DLGAP1: variants seen among roughly 807,000 people sequenced by gnomAD.
The protein encoded by DLGAP1 is disks large-associated protein 1.
Under a neutral mutation model 90.8 loss-of-function variants are expected in DLGAP1, and 11 were observed. That is an observed-to-expected ratio of 0.12 (90% CI 0.08 to 0.20). The LOEUF (loss-of-function observed/expected upper bound fraction) is 0.20, where lower values mean the gene tolerates loss of function less well. DLGAP1 is among the 10% of genes least tolerant of loss of function. DLGAP1 has a pLI of 1.00. For missense variants in DLGAP1, 1,050 were observed against 1,333.8 expected (o/e 0.79, Z 3.31); for synonymous variants, 558 against 540.7 (o/e 1.03, Z -0.44).
chr18:4,168,765 T>C (rs142344110), intron 1 of DLGAP1, among the ~76,000 whole-genome samples: 187 of 152,300 alleles, frequency 1.2e-3, no homozygotes, highest in African/African-American at 4.4e-3. Flanking sequence ...TTATTTATTT[T>C]AAAGATGGGG....
intron 1 of DLGAP1, among the ~76,000 whole-genome samples, chr18:4,312,851 T>C (rs1473723996): frequency 1.3e-5 from 2 of 152,218 alleles, no homozygotes; most frequent in Non-Finnish European, 2.9e-5. Context: ...AATATAATCA[T>C]AGCCTTAGAA....
intron 1 of DLGAP1, among the ~76,000 whole-genome samples, chr18:4,370,754 T>C (rs771388040): frequency 1.1e-5 from 1 of 93,302 alleles, no homozygotes; most frequent in Non-Finnish European, 2.2e-5. Flanking sequence ...TGTATGTGTA[T>C]GCATATGTGT....
Position 3,515,624 on chromosome 18 carries a change from C to T in DLGAP1, c.2480-6963G>A, listed in dbSNP as rs190333420. Reference sequence around the variant, plus strand: ...CAAAACCCCATCTCTACTAAAAATACGAAAAATTAGTCGGCCTGGTGGCAC... The same window carrying T: ...CAAAACCCCATCTCTACTAAAAATATGAAAAATTAGTCGGCCTGGTGGCAC... On this transcript the variant is annotated intron_variant, in intron 10 of 12. Transcript: ENST00000315677. Among the ~76,000 whole-genome samples the T allele has an allele frequency of 4.0e-3, 603 of 151,486 alleles. 3 individuals carry two copies. The highest frequency in any genetic ancestry group is 0.012 in the African/African-American group (489 of 41,316).
chr18:4,354,870 T>A (rs1465642382), intron 1 of DLGAP1, among the ~76,000 whole-genome samples: 1 of 112,988 alleles, frequency 8.9e-6, no homozygotes, highest in Non-Finnish European at 1.7e-5. Flanking sequence ...CCTGGCTTTT[T>A]CTGCAATTAC....
intron 2 of DLGAP1, among the ~76,000 whole-genome samples, chr18:4,097,666 T>C (rs997430888): frequency 1.3e-5 from 2 of 152,226 alleles, no homozygotes; most frequent in African/African-American, 4.8e-5. Context: ...AGTTAAGAAC[T>C]CTAGCACACA....
At chr18:3,970,600 A>C (rs2073425581) in intron 3 of DLGAP1, among the ~76,000 whole-genome samples, 2 of 151,746 alleles carry the variant, frequency 1.3e-5, no homozygotes, top group African/African-American at 4.9e-5. Context: ...AAATCTAAAA[A>C]ATAAAGAGAA....
chr18:4,006,485 A>G (rs1335480122), intron 2 of DLGAP1, among the ~76,000 whole-genome samples: 1 of 151,498 alleles, frequency 6.6e-6, no homozygotes, highest in Non-Finnish European at 1.5e-5. Context: ...TTGTTTCTTG[A>G]TAAGAACAGA....
intron 4 of DLGAP1, among the ~76,000 whole-genome samples, chr18:3,829,943 C>T (rs1180230152): frequency 6.6e-6 from 1 of 152,114 alleles, no homozygotes; most frequent in Non-Finnish European, 1.5e-5. Context: ...GATGGGCAGA[C>T]AGGGCCGCTG....
At chr18:4,327,789 T>G (rs533449593) in intron 1 of DLGAP1, among the ~76,000 whole-genome samples, 1 of 152,136 alleles carries the variant, frequency 6.6e-6, no homozygotes, top group African/African-American at 2.4e-5. Context: ...TTTCTGTCAC[T>G]ACAGTTTTTC....
intron 7 of DLGAP1, among the ~76,000 whole-genome samples, chr18:3,647,457 T>A (rs1378313696): frequency 2.0e-5 from 3 of 150,926 alleles, no homozygotes; most frequent in Non-Finnish European, 2.9e-5. Flanking sequence ...ATTATCTGAT[T>A]TTATTTAAGC....
intron 3 of DLGAP1, among the ~76,000 whole-genome samples, chr18:3,998,541 G>A (rs1005966828): frequency 3.3e-5 from 5 of 152,102 alleles, no homozygotes; most frequent in African/African-American, 1.2e-4. Flanking sequence ...AAAATGGTAT[G>A]TAGAGAACAT....
chr18:3,830,306 C>T (rs1434851410), intron 4 of DLGAP1, among the ~76,000 whole-genome samples: 2 of 152,212 alleles, frequency 1.3e-5, no homozygotes, highest in Non-Finnish European at 2.9e-5. Flanking sequence ...TGGCTCACAC[C>T]TGTAATCCCA....
At chr18:3,631,836 G>A (rs115832823) in intron 7 of DLGAP1, among the ~76,000 whole-genome samples, 1,556 of 152,274 alleles carry the variant, frequency 0.01, 34 homozygotes, top group African/African-American at 0.036. Flanking sequence ...TCTGTGGAGT[G>A]CAAATGGCGA....
At chr18:3,910,684 T>G (rs553272417) in intron 3 of DLGAP1, among the ~76,000 whole-genome samples, 3 of 152,300 alleles carry the variant, frequency 2.0e-5, no homozygotes, top group South Asian at 4.1e-4. Context: ...TGCCTGCCTT[T>G]GCGGTGTCCG....
At chr18:4,251,667 A>G (rs766556234) in intron 1 of DLGAP1, among the ~76,000 whole-genome samples, 55 of 152,248 alleles carry the variant, frequency 3.6e-4, no homozygotes, top group Non-Finnish European at 7.3e-4. Context: ...TGTATGTAAC[A>G]GCCACTATTA....
chr18:4,186,137 T>C (rs931915724), intron 1 of DLGAP1, among the ~76,000 whole-genome samples: 3 of 152,196 alleles, frequency 2.0e-5, no homozygotes, highest in Non-Finnish European at 4.4e-5. Flanking sequence ...GTGTTTTTTC[T>C]TGTAAATTTG....
intron 1 of DLGAP1, among the ~76,000 whole-genome samples, chr18:4,333,662 T>C (rs60795178): frequency 0.35 from 51,462 of 147,486 alleles, 10,102 homozygotes; most frequent in East Asian, 0.62. Context: ...CTCTGTCACC[T>C]AGGCTGGAGT....
intron 1 of DLGAP1, among the ~76,000 whole-genome samples, chr18:4,311,964 C>G (rs1005387310): frequency 1.3e-5 from 2 of 152,218 alleles, no homozygotes; most frequent in Non-Finnish European, 2.9e-5. Flanking sequence ...GATCCGCCAG[C>G]CTTGGCCTCC....
intron 4 of DLGAP1, among the ~76,000 whole-genome samples, chr18:3,854,540 A>C (rs1247743751): frequency 6.6e-6 from 1 of 152,228 alleles, no homozygotes; most frequent in African/African-American, 2.4e-5. Context: ...TTATAGTAAT[A>C]AACGAATAAC....
Sources: gnomAD v4.1 joint callset for allele counts (sites outside exome capture counted in the v4.1 genomes callset) on GRCh38, gnomAD v4.1.1 for gene constraint, MANE v1.5 for transcripts, NCBI Gene and HGNC (gene_info 2026-07-23, HGNC 2026-07-21) for gene names.